ZNF568: variants seen among roughly 807,000 people sequenced by gnomAD.
ZNF568 encodes the protein zinc finger protein 568, also known as p53 inhibitor of SCO2 activation.
ZNF568 carries 11 observed loss-of-function variants against 18.1 expected under a neutral mutation model. The observed-to-expected ratio is 0.61, with a 90% CI of 0.38 to 1.00. The LOEUF is 1.00. Among genes scored for constraint, ZNF568 ranks in the 50% least tolerant of loss-of-function variants. The pLI, the probability that ZNF568 is intolerant of heterozygous loss-of-function variation, is 0.01. For missense variants in ZNF568, 639 were observed against 768.2 expected, an observed-to-expected ratio of 0.83 and a Z score of 1.99; for synonymous variants, 213 against 246.6, an observed-to-expected ratio of 0.86 and a Z score of 1.28.
chr19:36,925,077 C>T, intron 3 of ZNF568, 123 bp from the exon 4 acceptor site: 1 of 790,758 alleles, frequency 1.3e-6, no homozygotes, highest in Non-Finnish European at 2.1e-6. Context: ...TGGCAGTTAA[C>T]ATTTCTTATT....
chr19:36,938,952 G>C (rs1334827087), intron 6 of ZNF568, among the ~76,000 whole-genome samples: 2 of 152,076 alleles, frequency 1.3e-5, no homozygotes, highest in Non-Finnish European at 2.9e-5. Flanking sequence ...CGTTTCTTTT[G>C]TGGTTATCAT....
intron 4 of ZNF568, among the ~76,000 whole-genome samples, chr19:36,928,108 G>A (rs1415413920): frequency 6.7e-6 from 1 of 149,828 alleles, no homozygotes; most frequent in Admixed American, 6.7e-5. Context: ...TAGAGATAGG[G>A]TTTCGCCATG....
intron 6 of ZNF568, among the ~76,000 whole-genome samples, chr19:36,939,128 T>G (rs2073836970): frequency 6.6e-6 from 1 of 152,202 alleles, no homozygotes; most frequent in Non-Finnish European, 1.5e-5. Context: ...TACCCTTTCA[T>G]TCTCCCAAGT....
intron 4 of ZNF568, chr19:36,931,657 T>C (rs1469295611): frequency 2.0e-5 from 3 of 152,214 alleles, no homozygotes; most frequent in Non-Finnish European, 4.4e-5. Context: ...TGTGAGCTAC[T>C]ATTCCCAGCT....
chr19:36,950,514 C>G lies in ZNF568; in HGVS notation c.1361C>G (p.Ala454Gly). ...TATGAATGTAAGGAATGTGGAAAAG[C>G]CTTCAGCAGGAAAGAAAATCTCATT... ...KPYECKECGK[A>G]FSRKENLITH... The change falls in exon 7 of 7, where the codon GCC becomes GGC. Residue 454 changes from alanine to glycine, a missense_variant. Transcript: ENST00000333987. 1 of 1,613,946 alleles carries G rather than the reference C, an allele frequency of 6.2e-7. No individual in the cohort carries two copies. Among genetic ancestry groups the G allele is most frequent in the Non-Finnish European group, 8.5e-7 (1 of 1,179,982 alleles).
chr19:36,924,251 C>T (rs2073507580), intron 3 of ZNF568, among the ~76,000 whole-genome samples: 2 of 151,922 alleles, frequency 1.3e-5, no homozygotes. Flanking sequence ...CAGAGTCTCG[C>T]TCTGTCGCCC....
intron 6 of ZNF568, among the ~76,000 whole-genome samples, chr19:36,945,210 AGTGTGTGTGTGTGT>A (rs10616521): frequency 1.9e-4 from 27 of 141,958 alleles, no homozygotes; most frequent in East Asian, 8.7e-4. Flanking sequence ...CAGAGAGAGA[AGTGTGTGTGTGTGT>A]GTGTGTGTGT....
intron 7 of ZNF568, among the ~76,000 whole-genome samples, chr19:36,975,424 T>C (rs918879927): frequency 7.6e-4 from 115 of 151,562 alleles, no homozygotes; most frequent in African/African-American, 2.7e-3. Flanking sequence ...CCTTGCTCTG[T>C]CGCCAGTTAG....
At chr19:36,918,012 G>A (rs1032435083) in intron 2 of ZNF568, among the ~76,000 whole-genome samples, 1 of 152,240 alleles carries the variant, frequency 6.6e-6, no homozygotes, top group Non-Finnish European at 1.5e-5. Context: ...GCAGTGGCAC[G>A]GTCTCGGCTC....
In ZNF568 at chr19:36,952,071, C is replaced by A. The variant is rs1600823898; in HGVS notation, c.*983C>A. Reference sequence around the variant, plus strand: ...TTTTTTTTTTCAAGACAAAAGGACTCTGTAATTCCACTTCTAGGTATATAT... The same window carrying A: ...TTTTTTTTTTCAAGACAAAAGGACTATGTAATTCCACTTCTAGGTATATAT... On this transcript the variant is annotated 3_prime_UTR_variant, in exon 7 of 7. Transcript: ENST00000333987. 2.2e-6 allele frequency: 2 copies of A among 902,378 alleles called. No homozygotes were observed. Among genetic ancestry groups the A allele is most frequent in the Non-Finnish European group, 1.3e-6 (1 of 784,196 alleles). The allele number at this position is 902,378 out of a possible 1,614,324, so 55.9% of individuals were successfully genotyped here.
chr19:36,932,034 A>G (rs1218029043), intron 4 of ZNF568, among the ~76,000 whole-genome samples: 2 of 152,178 alleles, frequency 1.3e-5, no homozygotes, highest in African/African-American at 4.8e-5. Flanking sequence ...TATGTTTTCA[A>G]GTTTCATGCA....
chr19:36,949,732 A>C lies in ZNF568; in HGVS notation c.579A>C (p.Arg193Ser). The change falls in exon 7 of 7, where the codon AGA becomes AGC. Residue 193 changes from arginine (R) to serine (S), a missense_variant. Coordinates refer to ENST00000333987, the MANE Select transcript of ZNF568 (RefSeq NM_198539.4). The stretch of plus-strand genomic sequence containing the variant: ...TGGAACATAATTTAGACTTACTTAG[A>C]TATGAGAAAGGCTGTGTAAGAGAGA... The part of the protein sequence containing the change: ...KGLEHNLDLL[R>S]YEKGCVREKQ... The C allele has an allele frequency of 6.2e-7, 1 of 1,613,988 alleles. No individual in the cohort carries two copies. Among genetic ancestry groups the C allele is most frequent in the Middle Eastern group, 1.7e-4 (1 of 6,058 alleles).
chr19:36,996,528 T>C, exon 5 of ZNF568: 1 of 1,536,206 alleles, frequency 6.5e-7, no homozygotes, highest in Non-Finnish European at 8.7e-7. Context: ...AGTGGCTTCA[T>C]ACTGGAGAGA....
At chr19:36,928,969 CTTAGAA>C (rs903508969) in intron 4 of ZNF568, among the ~76,000 whole-genome samples, 2 of 151,908 alleles carry the variant, frequency 1.3e-5, no homozygotes, top group Non-Finnish European at 2.9e-5. Context: ...AATTATTTTT[CTTAGAA>C]TTAGACAAGT....
chr19:36,972,216 TTAG>T (rs1346619330), intron 6 of ZNF568, among the ~76,000 whole-genome samples: 6 of 152,146 alleles, frequency 3.9e-5, no homozygotes, highest in Admixed American at 6.5e-5. Context: ...TGCTTTTATT[TTAG>T]TAGCACTTTT....
rs534517026 is a variant in ZNF568 at position 36,995,932 on chromosome 19, C to G, written c.230-385C>G. Among the ~76,000 whole-genome samples the G allele has an allele frequency of 3.9e-5, 6 of 152,260 alleles. No individual in the cohort carries two copies. The East Asian group carries it at 1.2e-3, about 29-fold the overall frequency. ...ATAACCCCCTCAAAGATGTCTATAT[C>G]CGAATCTCTGAAACTTGTGAACGTG... On this transcript the variant is annotated intron_variant, in intron 4 of 4. Transcript: ENST00000433993.
intron 7 of ZNF568, chr19:36,976,231 A>AT (rs909537678): frequency 2.8e-4 from 42 of 148,864 alleles, no homozygotes; most frequent in South Asian, 6.4e-4. Flanking sequence ...TAGTCATGTG[A>AT]TTTTTTTTTT....
At chr19:36,929,259 C>G (rs188812240) in intron 4 of ZNF568, among the ~76,000 whole-genome samples, 2 of 152,166 alleles carry the variant, frequency 1.3e-5, no homozygotes, top group Admixed American at 1.3e-4. Context: ...GTGAAGAAAG[C>G]GAGGCATGGT....
intron 6 of ZNF568, among the ~76,000 whole-genome samples, chr19:36,972,608 A>G (rs62113195): frequency 1.0e-5 from 1 of 97,988 alleles, no homozygotes; most frequent in African/African-American, 4.5e-5. Flanking sequence ...TTCCCAGCCC[A>G]AACTTAGCCA....
Sources: gnomAD v4.1 joint callset for allele counts (sites outside exome capture counted in the v4.1 genomes callset) on GRCh38, gnomAD v4.1.1 for gene constraint, MANE v1.5 for transcripts, NCBI Gene and HGNC (gene_info 2026-07-23, HGNC 2026-07-21) for gene names.